BCL2: variants seen among roughly 807,000 people sequenced by gnomAD.
The protein encoded by BCL2 is apoptosis regulator Bcl-2.
Under a neutral mutation model 14.2 loss-of-function variants are expected in BCL2, and 1 was observed. That is an observed-to-expected ratio of 0.07 (90% CI 0.02 to 0.33). The LOEUF is 0.33. BCL2 is among the 10% of genes least tolerant of loss of function. BCL2 has a pLI of 0.99. For missense variants in BCL2, 247 were observed against 305.9 expected (o/e 0.81, Z 1.44); for synonymous variants, 151 against 137.2 (o/e 1.10, Z -0.70).
chr18:63,267,599 T>C (rs1009705797), intron 2 of BCL2, among the ~76,000 whole-genome samples: 7 of 152,106 alleles, frequency 4.6e-5, no homozygotes, highest in Admixed American at 1.3e-4. Flanking sequence ...AGTCCCAAAT[T>C]TGTTGAGGTT....
At chr18:63,263,292 TG>T (rs1911715975) in intron 2 of BCL2, among the ~76,000 whole-genome samples, 1 of 152,222 alleles carries the variant, frequency 6.6e-6, no homozygotes, top group Non-Finnish European at 1.5e-5. Flanking sequence ...ATTAACGCTT[TG>T]GGCTCAGAGT....
At chr18:63,241,281 T>A (rs762650436) in intron 2 of BCL2, among the ~76,000 whole-genome samples, 1 of 152,202 alleles carries the variant, frequency 6.6e-6, no homozygotes, top group Non-Finnish European at 1.5e-5. Context: ...AAAACATAAA[T>A]GTTAAAGGGT....
chr18:63,286,950 C>T (rs906893872), intron 2 of BCL2, among the ~76,000 whole-genome samples: 39 of 152,134 alleles, frequency 2.6e-4, no homozygotes, highest in Non-Finnish European at 5.4e-4. Flanking sequence ...ACAGGTCTCC[C>T]GAGGCCACTA....
intron 2 of BCL2, among the ~76,000 whole-genome samples, chr18:63,257,392 G>A (rs1232720541): frequency 6.6e-6 from 1 of 152,222 alleles, no homozygotes; most frequent in Non-Finnish European, 1.5e-5. Context: ...TCAAATAAAT[G>A]TAGATTCTAA....
intron 2 of BCL2, among the ~76,000 whole-genome samples, chr18:63,301,407 TCACA>T (rs548125757): frequency 2.6e-5 from 4 of 152,302 alleles, no homozygotes; most frequent in South Asian, 4.2e-4. Context: ...ATATCTTAAC[TCACA>T]CACACACCAC....
chr18:63,207,536 C>T (rs1265424483), intron 2 of BCL2: 1 of 151,686 alleles, frequency 6.6e-6, no homozygotes. Flanking sequence ...CTGGGAGCAC[C>T]AGAGTCTGAT....
intron 2 of BCL2, among the ~76,000 whole-genome samples, chr18:63,303,140 C>T (rs532470195): frequency 2.7e-4 from 41 of 152,242 alleles, no homozygotes; most frequent in South Asian, 4.2e-4. Context: ...AAACCGCAGA[C>T]TTTCCCCACC....
At chr18:63,240,134 C>G (rs868247876) in intron 2 of BCL2, among the ~76,000 whole-genome samples, 1 of 152,002 alleles carries the variant, frequency 6.6e-6, no homozygotes, top group Non-Finnish European at 1.5e-5. Context: ...GGACTACAGA[C>G]GTGCCACCAC....
At chr18:63,198,990 C>T in intron 2 of BCL2, among the ~76,000 whole-genome samples, 1 of 139,564 alleles carries the variant, frequency 7.2e-6, no homozygotes, top group South Asian at 2.4e-4. Context: ...CACAGAGACA[C>T]CCACAGACAT....
At chr18:63,237,686 AG>A (rs2080620017) in intron 2 of BCL2, among the ~76,000 whole-genome samples, 1 of 152,222 alleles carries the variant, frequency 6.6e-6, no homozygotes, top group Non-Finnish European at 1.5e-5. Context: ...GTCAAAGGTC[AG>A]AGTTGCCCAA....
At chr18:63,298,466 G>A (rs1245713684) in intron 2 of BCL2, among the ~76,000 whole-genome samples, 1 of 152,142 alleles carries the variant, frequency 6.6e-6, no homozygotes, top group Non-Finnish European at 1.5e-5. Flanking sequence ...TCCAGGCAAG[G>A]TGCAAATAGC....
intron 2 of BCL2, among the ~76,000 whole-genome samples, chr18:63,246,414 A>G (rs532687632): frequency 4.9e-4 from 74 of 152,328 alleles, no homozygotes; most frequent in African/African-American, 1.7e-3. Context: ...GTAATTTATA[A>G]AGAAAATTAT....
chr18:63,171,602 T>C (rs1599223538), intron 2 of BCL2, among the ~76,000 whole-genome samples: 1 of 152,248 alleles, frequency 6.6e-6, no homozygotes, highest in East Asian at 1.9e-4. Context: ...AAAACAGCTA[T>C]ATGATGCCAC....
intron 2 of BCL2, among the ~76,000 whole-genome samples, chr18:63,198,840 C>CACACACAGACAT (rs1909571311): frequency 6.6e-6 from 1 of 150,942 alleles, no homozygotes; most frequent in African/African-American, 2.4e-5. Flanking sequence ...TACACAGACA[C>CACACACAGACAT]ACATAGACAC....
chr18:63,226,148 C>A (rs1000884328), intron 2 of BCL2, among the ~76,000 whole-genome samples: 1 of 152,250 alleles, frequency 6.6e-6, no homozygotes, highest in East Asian at 1.9e-4. Context: ...GAAGCTACAC[C>A]GTCAAACTGT....
Position 63,169,411 on chromosome 18 carries a change from C to T in BCL2, c.586-40652G>A, listed in dbSNP as rs1365647560. Among the ~76,000 whole-genome samples the T allele has an allele frequency of 1.1e-3, 80 of 73,450 alleles. 5 individuals carry two copies. Among genetic ancestry groups the T allele is most frequent in the African/African-American group, 7.0e-3 (70 of 9,934 alleles). The allele number at this position is 73,450 out of a possible 152,430, so 48.2% of individuals were successfully genotyped here. ...TCTTTTTCTTTCTTTCTTTTTCTTT[C>T]TCTCTCTCTCTCTCTCTTTCTTTTT... On this transcript the variant is annotated intron_variant, in intron 2 of 2. Coordinates refer to ENST00000333681, the MANE Select transcript of BCL2 (RefSeq NM_000633.3).
chr18:63,228,267 AGAGGTTG>A (rs1910599564), intron 2 of BCL2, among the ~76,000 whole-genome samples: 2 of 152,234 alleles, frequency 1.3e-5, no homozygotes, highest in African/African-American at 2.4e-5. Context: ...TTATCACATT[AGAGGTTG>A]GAGCTTCTGC....
intron 2 of BCL2, among the ~76,000 whole-genome samples, chr18:63,282,423 A>G (rs1912344317): frequency 6.6e-6 from 1 of 152,230 alleles, no homozygotes; most frequent in Admixed American, 6.5e-5. Context: ...GAAGTATCCT[A>G]TAGTGGCCTT....
intron 2 of BCL2, among the ~76,000 whole-genome samples, chr18:63,219,184 T>C (rs77753198): frequency 0.085 from 12,945 of 152,254 alleles, 583 homozygotes; most frequent in South Asian, 0.16. Flanking sequence ...GCTTGCAATT[T>C]TACTCTTGCA....
Sources: allele counts gnomAD v4.1 joint callset (sites outside exome capture counted in the v4.1 genomes callset), GRCh38; gene constraint gnomAD v4.1.1; transcripts MANE v1.5; gene names NCBI Gene and HGNC (gene_info 2026-07-23, HGNC 2026-07-21).